Variants in PKHD1L1 observed in about 807,000 individuals in gnomAD.
PKHD1L1 encodes fibrocystin-L.
In PKHD1L1, 434 loss-of-function variants were observed where a neutral mutation model predicts 462.9. The observed-to-expected ratio is 0.94, with a 90% CI of 0.87 to 1.02. The LOEUF (loss-of-function observed/expected upper bound fraction) is 1.02, where lower values mean the gene tolerates loss of function less well. Among genes scored for constraint, PKHD1L1 ranks in the 50% least tolerant of loss-of-function variants. PKHD1L1 has a pLI of 0.00. For synonymous variants in PKHD1L1, 1,781 were observed against 1,750.0 expected (o/e 1.02, Z -0.44); for missense variants, 5,202 against 5,096.1 (o/e 1.02, Z -0.63).
intron 27 of PKHD1L1, among the ~76,000 whole-genome samples, chr8:109,430,972 CTT>C (rs11315322): frequency 3.0e-4 from 41 of 138,930 alleles, no homozygotes; most frequent in Non-Finnish European, 3.6e-4. Context: ...TGAATTCCCA[CTT>C]TTTTTTTTTT....
At chr8:109,411,840 G>T (rs1278803535) in intron 19 of PKHD1L1, among the ~76,000 whole-genome samples, 1 of 152,104 alleles carries the variant, frequency 6.6e-6, no homozygotes, top group Admixed American at 6.6e-5. Flanking sequence ...CCTCCCTTGA[G>T]CCTTAGTACG....
chr8:109,438,094 T>C (rs890986177), intron 30 of PKHD1L1, among the ~76,000 whole-genome samples: 13 of 152,158 alleles, frequency 8.5e-5, no homozygotes, highest in Non-Finnish European at 1.9e-4. Context: ...GCATTTAAAT[T>C]GATCATAAAA....
chr8:109,465,840 T>G (rs1193511543), intron 49 of PKHD1L1, among the ~76,000 whole-genome samples: 1 of 152,160 alleles, frequency 6.6e-6, no homozygotes, highest in Non-Finnish European at 1.5e-5. Flanking sequence ...TAGGTTAAAT[T>G]TTTTTAGCAT....
chr8:109,379,248 G>A (rs1358369367), intron 2 of PKHD1L1, among the ~76,000 whole-genome samples: 1 of 152,142 alleles, frequency 6.6e-6, no homozygotes, highest in African/African-American at 2.4e-5. Flanking sequence ...AACAGAGATC[G>A]ACTGCTACCG....
rs769919809 is a variant in PKHD1L1, at chr8:109,498,700, A to G, written c.10757A>G (p.Asn3586Ser). 2 of 1,613,966 alleles carry G rather than the reference A, an allele frequency of 1.2e-6. No homozygotes were observed. Among genetic ancestry groups the G allele is most frequent in the Non-Finnish European group, 1.7e-6 (2 of 1,179,876 alleles). ...TGGCCTACCTTTGCTTCAGCTCATA[A>G]CATGGCACCCCGAAAGCCCCATGCA... ...ICWPTFASAH[N>S]MAPRKPHAGI... is the part of the protein sequence containing the mutation. Residue 3586 changes from asparagine (N) to serine (S), a missense_variant, in exon 67 of 78, where the codon AAC (asparagine) becomes AGC (serine). By Grantham distance (46) the Asn-to-Ser change is conservative. Transcript: ENST00000378402.
At chr8:109,482,665 G>GTATAT (rs113106480) in intron 56 of PKHD1L1, among the ~76,000 whole-genome samples, 58,833 of 150,834 alleles carry the variant, frequency 0.39, 11,597 homozygotes, top group South Asian at 0.57. Flanking sequence ...TACAGTATTA[G>GTATAT]TAAACTTTAT....
intron 32 of PKHD1L1, among the ~76,000 whole-genome samples, 158 bp from the exon 33 acceptor site, chr8:109,440,552 G>A (rs955112058): frequency 5.9e-5 from 9 of 151,878 alleles, no homozygotes; most frequent in African/African-American, 1.2e-4. Flanking sequence ...CAATCAAATC[G>A]AGATTATGAT....
intron 4 of PKHD1L1, among the ~76,000 whole-genome samples, chr8:109,383,234 G>A (rs1812247927): frequency 1.7e-5 from 1 of 59,278 alleles, no homozygotes; most frequent in Non-Finnish European, 3.6e-5. Flanking sequence ...ATTATATATA[G>A]TTATATATAA....
At chr8:109,401,992 G>T (rs1338276974) in intron 14 of PKHD1L1, among the ~76,000 whole-genome samples, 2 of 152,056 alleles carry the variant, frequency 1.3e-5, no homozygotes, top group Non-Finnish European at 2.9e-5. Context: ...GTTATTAACT[G>T]GTTTATTCCA....
chr8:109,492,125 A>T (rs74608886), intron 62 of PKHD1L1, 131 bp downstream of exon 62: 3 of 500,962 alleles, frequency 6.0e-6, no homozygotes, highest in Non-Finnish European at 5.9e-6. Flanking sequence ...ATGGCCATTG[A>T]TTTTTTTTTT....
intron 32 of PKHD1L1, among the ~76,000 whole-genome samples, chr8:109,439,677 A>G (rs769347503): frequency 6.6e-5 from 10 of 152,048 alleles, no homozygotes; most frequent in Non-Finnish European, 1.2e-4. Flanking sequence ...TCTTTCTCCA[A>G]CTCAGTTTTC....
At chr8:109,390,666 T>A in intron 9 of PKHD1L1, among the ~76,000 whole-genome samples, 172 bp downstream of exon 9, 1 of 152,214 alleles carries the variant, frequency 6.6e-6, no homozygotes, top group East Asian at 1.9e-4. Flanking sequence ...TTATGCTTCA[T>A]ACATAACCTT....
At chr8:109,394,249 C>G (rs531555098) in intron 9 of PKHD1L1, among the ~76,000 whole-genome samples, 166 bp from the exon 10 acceptor site, 1 of 147,934 alleles carries the variant, frequency 6.8e-6, no homozygotes, top group African/African-American at 2.5e-5. Context: ...AATGTATACA[C>G]ATATGTCACC....
At chr8:109,366,954 A>C (rs1811264621) in intron 2 of PKHD1L1, among the ~76,000 whole-genome samples, 1 of 152,052 alleles carries the variant, frequency 6.6e-6, no homozygotes, top group Admixed American at 6.6e-5. Flanking sequence ...AGCCTCCCAA[A>C]GTGCTGGGAT....
At chr8:109,479,668 T>G in intron 54 of PKHD1L1, 29 bp downstream of exon 54, 1 of 1,365,644 alleles carries the variant, frequency 7.3e-7, no homozygotes, top group Non-Finnish European at 1.0e-6. Flanking sequence ...ATGAATGAAA[T>G]GTTTGTTTTC....
intron 53 of PKHD1L1, among the ~76,000 whole-genome samples, chr8:109,479,335 C>CTAGA (rs1262638423): frequency 1.3e-5 from 2 of 152,092 alleles, no homozygotes; most frequent in African/African-American, 4.8e-5. Context: ...CATCCTTCTA[C>CTAGA]CCCTTTCTTC....
chr8:109,385,559 C>T lies in PKHD1L1; in HGVS notation c.498C>T (p.Gly166=). 1 of 1,603,830 alleles carries T rather than the reference C, an allele frequency of 6.2e-7. No individual in the cohort carries two copies. Among genetic ancestry groups the T allele is most frequent in the Non-Finnish European group, 8.5e-7 (1 of 1,173,886 alleles). ...GTPGTLITIQ[G]RIFTDVYGSN... ...CAGGTACACTAATAACAATCCAAGG[C>T]AGAATCTTCACTGATGTCTATGGAA... The change falls in exon 6 of 78, where the codon GGC becomes GGT. Residue 166 remains glycine (G), a synonymous_variant. Transcript: ENST00000378402.
chr8:109,391,074 C>T (rs1812689380), intron 9 of PKHD1L1, among the ~76,000 whole-genome samples: 1 of 152,124 alleles, frequency 6.6e-6, no homozygotes, highest in African/African-American at 2.4e-5. Flanking sequence ...AATCTCAATG[C>T]ATGTTGAAAC....
intron 17 of PKHD1L1, among the ~76,000 whole-genome samples, chr8:109,407,430 T>C (rs1169110337): frequency 6.6e-6 from 1 of 152,136 alleles, no homozygotes; most frequent in East Asian, 1.9e-4. Context: ...GCCCAAATCC[T>C]AACTGGGCAA....
Sources: allele counts gnomAD v4.1 joint callset (sites outside exome capture counted in the v4.1 genomes callset), GRCh38; gene constraint gnomAD v4.1.1; transcripts MANE v1.5; gene names NCBI Gene and HGNC (gene_info 2026-07-23, HGNC 2026-07-21).